TXNRD3: variants seen among roughly 807,000 people sequenced by gnomAD.
TXNRD3 encodes TXNRD3 neighbor gene protein.
In TXNRD3, 68 loss-of-function variants were observed where a neutral mutation model predicts 78.2. The observed-to-expected ratio is 0.87, with a 90% CI of 0.72 to 1.06. The LOEUF is 1.06. Among genes scored for constraint, TXNRD3 ranks in the 50% least tolerant of loss-of-function variants. The pLI is 0.00. For missense variants in TXNRD3, 751 were observed against 809.5 expected (o/e 0.93, Z 0.88); for synonymous variants, 296 against 300.1 (o/e 0.99, Z 0.14).
At chr3:126,614,907 G>T (rs1283596714) in intron 13 of TXNRD3, among the ~76,000 whole-genome samples, 1 of 152,034 alleles carries the variant, frequency 6.6e-6, no homozygotes, top group Non-Finnish European at 1.5e-5. Context: ...TATTTTTAAG[G>T]TTATAATTGG....
chr3:126,638,869 G>T (rs1932986363), intron 6 of TXNRD3, among the ~76,000 whole-genome samples: 1 of 152,184 alleles, frequency 6.6e-6, no homozygotes, highest in African/African-American at 2.4e-5. Flanking sequence ...AACGTCATTT[G>T]ACCCCATGGG....
chr3:126,621,711 G>C (rs1301792547), intron 12 of TXNRD3, 31 bp downstream of exon 12: 1 of 1,450,470 alleles, frequency 6.9e-7, no homozygotes, highest in African/African-American at 1.4e-5. Context: ...TCTTGATCAG[G>C]ACATTATCTC....
rs537229718 is a variant in TXNRD3 at position 126,619,938 on chromosome 3, C to T, written c.1524+1804G>A. 6.6e-5 allele frequency among the ~76,000 whole-genome samples: 10 copies of T among 152,078 alleles called. No homozygotes were observed. The South Asian group carries it at 1.9e-3, about 28-fold the overall frequency. ...ACTGTGTCAGATTAAGAGACTTAAG[C>T]GTCATAAGAGCCACATGTACTGAAG... On this transcript the variant is annotated intron_variant, in intron 12 of 15. Coordinates refer to ENST00000524230, the MANE Select transcript of TXNRD3 (RefSeq NM_052883.3).
chr3:126,647,209 A>G, intron 2 of TXNRD3, 27 bp downstream of exon 2: 1 of 1,501,834 alleles, frequency 6.7e-7, no homozygotes, highest in Non-Finnish European at 8.9e-7. Context: ...ATTATAAACA[A>G]CACTATGTTG....
At chr3:126,626,945 A>C (rs1394251438) in intron 10 of TXNRD3, among the ~76,000 whole-genome samples, 1 of 151,882 alleles carries the variant, frequency 6.6e-6, no homozygotes, top group Non-Finnish European at 1.5e-5. Flanking sequence ...AAAATTAGCC[A>C]GGCATGGTGG....
chr3:126,652,097 C>T (rs1052692458), intron 1 of TXNRD3, among the ~76,000 whole-genome samples: 3 of 152,082 alleles, frequency 2.0e-5, no homozygotes, highest in Admixed American at 2.0e-4. Flanking sequence ...TTAATTGGCT[C>T]ACGGTTCTGT....
Position 126,646,109 on chromosome 3 carries a change from A to G in TXNRD3, c.414+2T>C. The G allele has an allele frequency of 6.6e-7, 1 of 1,518,660 alleles. No homozygotes were observed. Among genetic ancestry groups the G allele is most frequent in the South Asian group, 1.2e-5 (1 of 80,254 alleles). The allele number at this position is 1,518,660 out of a possible 1,614,324, so 94.1% of individuals were successfully genotyped here. A position where few individuals can be genotyped will look rare whatever the true frequency, so the allele number is the denominator to read the frequency against. ...TTGAAGAACATATAATAGTATTATT[A>G]CCTGGAAAGTTTGGTCACATCCACC... On this transcript the variant is annotated splice_donor_variant, in intron 3 of 15. Transcript: ENST00000524230. LOFTEE classifies it high-confidence loss of function.
Position 126,608,553 on chromosome 3 carries a change from C to G in TXNRD3, c.1809G>C (p.Gly603=), listed in dbSNP as rs1365016898. 6.5e-7 allele frequency: 1 copy of G among 1,535,942 alleles called. No individual in the cohort carries two copies. Residue 603 remains glycine, a synonymous_variant, in exon 15 of 16, where the codon GGG becomes GGC. Coordinates refer to ENST00000524230, the MANE Select transcript of TXNRD3 (RefSeq NM_052883.3). ...TGTCATCAAGTAGCTGTTTTGTGAG[C>G]CCACATTTCATTGCAGCTGCAAATC...
chr3:126,622,599 C>T (rs989477317), intron 10 of TXNRD3, 59 bp from the exon 11 acceptor site: 7 of 1,263,158 alleles, frequency 5.5e-6, no homozygotes, highest in Non-Finnish European at 5.5e-6. Flanking sequence ...AAAGAAGGAA[C>T]ATCACTATAG....
At chr3:126,642,242 G>A in intron 5 of TXNRD3, 91 bp from the exon 6 acceptor site, 1 of 1,385,792 alleles carries the variant, frequency 7.2e-7, no homozygotes, top group Non-Finnish European at 9.4e-7. Context: ...GAAATGACAA[G>A]CTCAATGGTG....
chr3:126,624,566 G>A (rs1005526182), intron 10 of TXNRD3, among the ~76,000 whole-genome samples: 5 of 151,934 alleles, frequency 3.3e-5, no homozygotes, highest in African/African-American at 7.3e-5. Flanking sequence ...AACTACAGGC[G>A]CCCGCCACCA....
intron 6 of TXNRD3, among the ~76,000 whole-genome samples, chr3:126,635,434 G>C (rs1355293627): frequency 6.6e-6 from 1 of 152,116 alleles, no homozygotes; most frequent in Non-Finnish European, 1.5e-5. Flanking sequence ...CAATGAACTG[G>C]CACTTTGAAA....
rs369585030 is a variant in TXNRD3, at chr3:126,609,110, G to A, written c.1729-477C>T. 35 of 432,674 alleles carry A rather than the reference G, an allele frequency of 8.1e-5. No homozygotes were observed. In the East Asian group the frequency reaches 1.4e-3, roughly 17 times the overall value. The allele number at this position is 432,674 out of a possible 1,614,324, so 26.8% of individuals were successfully genotyped here. A position where few individuals can be genotyped will look rare whatever the true frequency, so the allele number is the denominator to read the frequency against. On this transcript the variant is annotated intron_variant, in intron 14 of 15. Coordinates refer to ENST00000524230, the MANE Select transcript of TXNRD3 (RefSeq NM_052883.3). Reference sequence around the variant, plus strand: ...TGTCACCCAGGGCTGTGTGCTGAGAGGTATGGGGTGCAGGCAATGAGCTGA... The same window carrying A: ...TGTCACCCAGGGCTGTGTGCTGAGAAGTATGGGGTGCAGGCAATGAGCTGA...
intron 13 of TXNRD3, among the ~76,000 whole-genome samples, chr3:126,614,112 G>GA (rs1416532921): frequency 2.6e-5 from 4 of 152,044 alleles, no homozygotes; most frequent in Admixed American, 6.6e-5. Flanking sequence ...AAAATTAATA[G>GA]AAAAAAGCTT....
Position 126,644,402 on chromosome 3 carries a change from C to T in TXNRD3, c.415-1G>A, listed in dbSNP as rs1933181000. The T allele has an allele frequency of 6.5e-7, 1 of 1,532,218 alleles. No individual in the cohort carries two copies. Among genetic ancestry groups the T allele is most frequent in the Admixed American group, 2.0e-5 (1 of 50,844 alleles). The allele number at this position is 1,532,218 out of a possible 1,614,324, so 94.9% of individuals were successfully genotyped here. On this transcript the variant is annotated splice_acceptor_variant, in intron 3 of 15. Coordinates refer to ENST00000524230, the MANE Select transcript of TXNRD3 (RefSeq NM_052883.3). LOFTEE classifies it high-confidence loss of function. ...TCTGTAACAAACCACTCTGATATGC[C>T]TATGGTTTAATTACAGGAGAAAGAA...
Position 126,654,790 on chromosome 3 carries a change from C to A in TXNRD3, c.201G>T (p.Arg67=). 1 of 1,431,034 alleles carries A rather than the reference C, an allele frequency of 7.0e-7. No individual in the cohort carries two copies. The allele number at this position is 1,431,034 out of a possible 1,614,324, so 88.6% of individuals were successfully genotyped here. ...AGTAGCTCTTGCTGAAGATCACCAC[C>A]CGGCTGCGCTCGATGAGGCCCACGA... The change falls in exon 1 of 16, where the codon CGG becomes CGT. Residue 67 remains arginine, a synonymous_variant. Coordinates refer to ENST00000524230, the MANE Select transcript of TXNRD3 (RefSeq NM_052883.3).
Position 126,630,908 on chromosome 3 carries a change from G to A in TXNRD3, c.1001C>T (p.Pro334Leu). ...GGCACCCACCACTAATGTTTTGCCA[G>A]GGCAATAAGGCAGAGAAAAAAGGTC... The change falls in exon 9 of 16, where the codon CCT becomes CTT. Residue 334 changes from proline to leucine, a missense_variant. Physicochemically the swap from Pro to Leu is moderately conservative, Grantham distance 98 (BLOSUM62 -3). Coordinates refer to ENST00000524230, the MANE Select transcript of TXNRD3 (RefSeq NM_052883.3). 6.5e-7 allele frequency: 1 copy of A among 1,536,086 alleles called. No homozygotes were observed. The highest frequency in any genetic ancestry group is 8.7e-7 in the Non-Finnish European group (1 of 1,146,886).
At chr3:126,630,645 A>C in intron 9 of TXNRD3, 67 bp downstream of exon 9, 1 of 1,409,846 alleles carries the variant, frequency 7.1e-7, no homozygotes, top group African/African-American at 1.4e-5. Flanking sequence ...TTATGTAATG[A>C]AATGAAGTAA....
chr3:126,653,579 T>G (rs1933438926), intron 1 of TXNRD3, among the ~76,000 whole-genome samples: 2 of 152,226 alleles, frequency 1.3e-5, no homozygotes, highest in African/African-American at 4.8e-5. Context: ...TAGAGCAAGA[T>G]GAATTGTTCC....
Sources: gnomAD v4.1 joint callset for allele counts (sites outside exome capture counted in the v4.1 genomes callset) on GRCh38, gnomAD v4.1.1 for gene constraint, MANE v1.5 for transcripts, NCBI Gene and HGNC (gene_info 2026-07-23, HGNC 2026-07-21) for gene names.